AUTS2: variants seen among roughly 807,000 people sequenced by gnomAD.
The protein encoded by AUTS2 is activator of transcription and developmental regulator AUTS2.
In AUTS2, 17 loss-of-function variants were observed where a neutral mutation model predicts 112.4. The observed-to-expected ratio is 0.15, with a 90% CI of 0.10 to 0.23. The LOEUF (loss-of-function observed/expected upper bound fraction) is 0.23, where lower values mean the gene tolerates loss of function less well. Ranked by LOEUF, AUTS2 falls within the 10% of genes least tolerant of loss-of-function variation. The pLI is 1.00. For synonymous variants in AUTS2, 751 were observed against 702.7 expected, an observed-to-expected ratio of 1.07 and a Z score of -1.09; for missense variants, 1,510 against 1,701.6, an observed-to-expected ratio of 0.89 and a Z score of 1.98.
intron 1 of AUTS2, among the ~76,000 whole-genome samples, chr7:69,657,238 A>C (rs1795583452): frequency 6.6e-6 from 1 of 152,212 alleles, no homozygotes; most frequent in Non-Finnish European, 1.5e-5. Context: ...CTCCAAATGC[A>C]GATAAAACCT....
chr7:70,134,028 A>T (rs1331978681), intron 3 of AUTS2, among the ~76,000 whole-genome samples: 1 of 152,192 alleles, frequency 6.6e-6, no homozygotes. Flanking sequence ...GTACTAACTG[A>T]TGCCTTTAGG....
chr7:70,170,595 C>CTTT (rs398005103), intron 4 of AUTS2, among the ~76,000 whole-genome samples: 2,176 of 126,942 alleles, frequency 0.017, 65 homozygotes, highest in Middle Eastern at 0.033. Context: ...GACACGTTAT[C>CTTT]TTTTTTTTTT....
chr7:69,891,774 CTTTTTTTTTTTTTTTTTTTTTTTTT>C lies in AUTS2; in HGVS notation c.310-7499_310-7475del, dbSNP rs763424098. Among the ~76,000 whole-genome samples, 4 of 26,736 alleles carry C rather than the reference CTTTTTTTTTTTTTTTTTTTTTTTTT, an allele frequency of 1.5e-4. 1 individual carries two copies. The South Asian group carries it at 6.4e-3, about 43-fold the overall frequency. The allele number at this position is 26,736 out of a possible 152,430, so 17.5% of individuals were successfully genotyped here. On this transcript the variant is annotated intron_variant, in intron 1 of 18. Coordinates refer to ENST00000342771, the MANE Select transcript of AUTS2 (RefSeq NM_015570.4). The stretch of plus-strand genomic sequence containing the variant: ...ATTCATTCACTTTCCAGACAGATAT[CTTTTTTTTTTTTTTTTTTTTTTTTT>C]TTTTTTTTTTTTGAGATGGAGTATC...
chr7:70,544,374 C>T (rs1800682542), intron 5 of AUTS2, among the ~76,000 whole-genome samples: 1 of 152,174 alleles, frequency 6.6e-6, no homozygotes, highest in Non-Finnish European at 1.5e-5. Context: ...AGAGTGAAAA[C>T]TGACAAATCT....
chr7:70,003,115 G>A (rs1799274659), intron 2 of AUTS2, among the ~76,000 whole-genome samples: 1 of 141,810 alleles, frequency 7.1e-6, no homozygotes, highest in Admixed American at 7.4e-5. Flanking sequence ...ACATATTTTT[G>A]TTCATTCATA....
At chr7:69,705,760 C>T (rs955495820) in intron 1 of AUTS2, among the ~76,000 whole-genome samples, 3 of 152,322 alleles carry the variant, frequency 2.0e-5, no homozygotes, top group Non-Finnish European at 2.9e-5. Context: ...TATTTTCTCT[C>T]AGCTCTGGAG....
intron 5 of AUTS2, among the ~76,000 whole-genome samples, chr7:70,605,721 A>G (rs1050370675): frequency 2.6e-5 from 4 of 152,052 alleles, no homozygotes; most frequent in African/African-American, 9.7e-5. Flanking sequence ...ATAGCGATGA[A>G]TTTCTCAATT....
chr7:70,674,317 A>G (rs1807801647), intron 5 of AUTS2, among the ~76,000 whole-genome samples: 1 of 152,208 alleles, frequency 6.6e-6, no homozygotes, highest in Non-Finnish European at 1.5e-5. Flanking sequence ...GATGACTGAC[A>G]GATTAATATA....
chr7:69,804,020 A>T (rs944669489), intron 1 of AUTS2, among the ~76,000 whole-genome samples: 11 of 152,214 alleles, frequency 7.2e-5, no homozygotes, highest in Non-Finnish European at 1.5e-4. Context: ...TGACAGAGTG[A>T]GACTCTTGTC....
intron 1 of AUTS2, among the ~76,000 whole-genome samples, chr7:69,853,270 T>C (rs1234357751): frequency 6.6e-6 from 1 of 152,160 alleles, no homozygotes; most frequent in Non-Finnish European, 1.5e-5. Flanking sequence ...TATTTCTCTT[T>C]TCAGTTCTGT....
intron 4 of AUTS2, among the ~76,000 whole-genome samples, chr7:70,391,344 G>A (rs1793847532): frequency 6.6e-6 from 1 of 152,188 alleles, no homozygotes. Flanking sequence ...GCCTCACTCT[G>A]TGTTTTAGAT....
chr7:70,477,758 T>C (rs915890489), intron 5 of AUTS2, among the ~76,000 whole-genome samples: 5 of 152,202 alleles, frequency 3.3e-5, no homozygotes, highest in Admixed American at 1.3e-4. Flanking sequence ...TGTCAAATGA[T>C]GTGATTAAAA....
intron 4 of AUTS2, among the ~76,000 whole-genome samples, chr7:70,145,732 A>T (rs1215331489): frequency 1.3e-5 from 2 of 152,120 alleles, no homozygotes; most frequent in Non-Finnish European, 2.9e-5. Flanking sequence ...GAATTGGTAG[A>T]GCCATCAAAT....
chr7:70,252,480 C>CTGGATA (rs1786654171), intron 4 of AUTS2, among the ~76,000 whole-genome samples: 2 of 151,978 alleles, frequency 1.3e-5, no homozygotes, highest in African/African-American at 2.4e-5. Context: ...ATTTGAGTTC[C>CTGGATA]TTATATATTT....
At chr7:69,690,821 C>T (rs774766801) in intron 1 of AUTS2, among the ~76,000 whole-genome samples, 7 of 152,150 alleles carry the variant, frequency 4.6e-5, no homozygotes, top group Non-Finnish European at 5.9e-5. Context: ...CGCAATTCAG[C>T]GGGTGCTGAG....
chr7:69,863,703 G>C (rs1793092209), intron 1 of AUTS2, among the ~76,000 whole-genome samples: 1 of 152,234 alleles, frequency 6.6e-6, no homozygotes, highest in Non-Finnish European at 1.5e-5. Flanking sequence ...CCTAATTACA[G>C]AATCCACTGC....
chr7:69,624,348 A>G (rs537227280), intron 1 of AUTS2, among the ~76,000 whole-genome samples: 1 of 151,932 alleles, frequency 6.6e-6, no homozygotes, highest in East Asian at 1.9e-4. Flanking sequence ...AGTTTTTTTT[A>G]AAAAAAGTTC....
intron 5 of AUTS2, among the ~76,000 whole-genome samples, chr7:70,447,194 A>G (rs534129939): frequency 2.1e-4 from 32 of 152,332 alleles, no homozygotes; most frequent in African/African-American, 7.5e-4. Context: ...ATAGAGTCTC[A>G]TCAACCCAGT....
intron 4 of AUTS2, among the ~76,000 whole-genome samples, chr7:70,183,515 C>CTTGTG (rs1809434520): frequency 6.6e-6 from 1 of 152,236 alleles, no homozygotes; most frequent in Non-Finnish European, 1.5e-5. Flanking sequence ...GCAGCTCAGC[C>CTTGTG]CTGGACGGCA....
Sources: gnomAD v4.1 joint callset for allele counts (sites outside exome capture counted in the v4.1 genomes callset) on GRCh38, gnomAD v4.1.1 for gene constraint, MANE v1.5 for transcripts, NCBI Gene and HGNC (gene_info 2026-07-23, HGNC 2026-07-21) for gene names.